The following GTF2F2 variants were observed in gnomAD, a reference collection of about 807,000 sequenced individuals.
GTF2F2 encodes general transcription factor IIF subunit 2.
GTF2F2 carries 23 observed loss-of-function variants against 42.2 expected under a neutral mutation model. The ratio of observed to expected loss-of-function variants is 0.55; its 90% confidence interval spans 0.39 to 0.77. The LOEUF is 0.77. GTF2F2 is among the 30% of genes least tolerant of loss of function. The probability of loss-of-function intolerance (pLI) is 0.00; values close to 1 mark genes in which losing one functional copy is unlikely to be tolerated. For synonymous variants in GTF2F2, 105 were observed against 100.8 expected (o/e 1.04, Z -0.25); for missense variants, 261 against 287.2 (o/e 0.91, Z 0.66).
In GTF2F2 at chr13:45,202,026, C is replaced by T. The variant is rs138367319; in HGVS notation, c.305-5398C>T. 3.2e-4 allele frequency among the ~76,000 whole-genome samples: 49 copies of T among 152,248 alleles called. No homozygotes were observed. In the East Asian group the frequency reaches 9.5e-3, roughly 29 times the overall value. ...CCACCTTCAGTACTCTTCCTTCTTA[C>T]CCCCACCCACCCCAGTCTAAATCCT... On this transcript the variant is annotated intron_variant, in intron 4 of 7. Coordinates refer to ENST00000340473, the MANE Select transcript of GTF2F2 (RefSeq NM_004128.3).
intron 1 of GTF2F2, among the ~76,000 whole-genome samples, chr13:45,127,261 G>A (rs1223096283): frequency 6.6e-6 from 1 of 152,040 alleles, no homozygotes; most frequent in Non-Finnish European, 1.5e-5. Context: ...TAATAATGAA[G>A]ACAGTGCAAT....
chr13:45,148,622 T>A (rs886216053), intron 2 of GTF2F2, among the ~76,000 whole-genome samples: 4 of 152,212 alleles, frequency 2.6e-5, no homozygotes, highest in African/African-American at 9.6e-5. Flanking sequence ...TGGTGCATTG[T>A]GGCTCCCTTA....
At chr13:45,186,929 A>G (rs1275522903) in intron 4 of GTF2F2, among the ~76,000 whole-genome samples, 1 of 152,240 alleles carries the variant, frequency 6.6e-6, no homozygotes, top group Non-Finnish European at 1.5e-5. Context: ...CTGTTTTTAA[A>G]AAGGAATTTT....
At chr13:45,193,812 G>A (rs773222427) in intron 4 of GTF2F2, 11 of 1,603,522 alleles carry the variant, frequency 6.9e-6, no homozygotes, top group Middle Eastern at 3.3e-4. Context: ...GAAGTGCATC[G>A]CTGTGAACAA....
In GTF2F2 at chr13:45,166,709, G is replaced by A. The variant is rs541197543; in HGVS notation, c.304+14878G>A. ...ATAGAAGTAGGTGGTATGAGAATTC[G>A]TATGATGAATGGAATAAAAAATGTT... On this transcript the variant is annotated intron_variant, in intron 4 of 7. Coordinates refer to ENST00000340473, the MANE Select transcript of GTF2F2 (RefSeq NM_004128.3). 4.6e-5 allele frequency among the ~76,000 whole-genome samples: 7 copies of A among 152,282 alleles called. No individual in the cohort carries two copies. The South Asian group carries it at 6.2e-4, about 14-fold the overall frequency.
At chr13:45,266,695 C>T (rs1014083871) in intron 6 of GTF2F2, among the ~76,000 whole-genome samples, 3 of 152,182 alleles carry the variant, frequency 2.0e-5, no homozygotes, top group Non-Finnish European at 4.4e-5. Context: ...TTATGCATTA[C>T]ATAAAGCTTT....
At chr13:45,268,730 C>T (rs1333879294) in intron 7 of GTF2F2, among the ~76,000 whole-genome samples, 1 of 151,984 alleles carries the variant, frequency 6.6e-6, no homozygotes, top group Non-Finnish European at 1.5e-5. Flanking sequence ...ACTCTGAAAA[C>T]AGACGAGATT....
At chr13:45,268,598 A>G (rs1876663889) in intron 7 of GTF2F2, among the ~76,000 whole-genome samples, 1 of 152,098 alleles carries the variant, frequency 6.6e-6, no homozygotes, top group Admixed American at 6.6e-5. Context: ...AGCTAGATTA[A>G]AAATTTTTTT....
intron 5 of GTF2F2, among the ~76,000 whole-genome samples, chr13:45,242,515 A>G (rs996427823): frequency 3.9e-5 from 6 of 152,174 alleles, no homozygotes; most frequent in African/African-American, 1.2e-4. Flanking sequence ...AGATAGATGA[A>G]TGCTGGAGTG....
At position 45,273,457 on chromosome 13, in the gene GTF2F2, C is replaced by T. The variant is rs746566777; in HGVS notation, c.630+6081C>T. On this transcript the variant is annotated intron_variant, in intron 7 of 7. Transcript: ENST00000340473. ...TATAAACAAATGAGTCAGAATTTTA[C>T]GTAAGGTATTACATGGATAAGAGCA... Among the ~76,000 whole-genome samples the T allele has an allele frequency of 1.5e-4, 23 of 151,886 alleles. No individual in the cohort carries two copies. In the South Asian group the frequency reaches 2.1e-3, roughly 14 times the overall value.
In GTF2F2 at chr13:45,284,467, C is replaced by G. The variant is rs930880742; in HGVS notation, c.*906C>G. The G allele has an allele frequency of 1.3e-5, 2 of 152,038 alleles. No homozygotes were observed. The highest frequency in any genetic ancestry group is 2.1e-4 in the South Asian group (1 of 4,824). 9.4% of individuals were successfully genotyped at this position (152,038 alleles called of 1,614,324 possible). A position where few individuals can be genotyped will look rare whatever the true frequency, so the allele number is the denominator to read the frequency against. ...AATTAATTTTTAAATGAAAACAATACATGTATATGTTAGTTTTTTCTAGCA... is the reference window on the plus strand; with the variant it reads ...AATTAATTTTTAAATGAAAACAATAGATGTATATGTTAGTTTTTTCTAGCA... On this transcript the variant is annotated 3_prime_UTR_variant, in exon 8 of 8. Transcript: ENST00000340473.
chr13:45,281,867 T>G (rs1029571821), intron 7 of GTF2F2, among the ~76,000 whole-genome samples: 2 of 152,230 alleles, frequency 1.3e-5, no homozygotes, highest in Non-Finnish European at 2.9e-5. Flanking sequence ...ATTGTTGGAT[T>G]GCTTTGTTCT....
intron 4 of GTF2F2, among the ~76,000 whole-genome samples, chr13:45,176,821 C>T (rs117456154): frequency 0.011 from 1,622 of 151,966 alleles, 99 homozygotes; most frequent in Admixed American, 0.093. Context: ...GACGGTCTCG[C>T]TCCACCCAGG....
intron 4 of GTF2F2, among the ~76,000 whole-genome samples, chr13:45,199,613 C>T (rs1873076091): frequency 6.6e-6 from 1 of 152,024 alleles, no homozygotes; most frequent in Non-Finnish European, 1.5e-5. Flanking sequence ...ATCAAATGAA[C>T]ATTAAAATTA....
intron 5 of GTF2F2, among the ~76,000 whole-genome samples, chr13:45,225,230 T>G (rs1874282307): frequency 6.6e-6 from 1 of 152,172 alleles, no homozygotes. Flanking sequence ...AGGTACAACT[T>G]TCGGATAATA....
intron 1 of GTF2F2, among the ~76,000 whole-genome samples, chr13:45,134,741 G>A (rs1336418040): frequency 1.3e-5 from 2 of 152,256 alleles, no homozygotes; most frequent in South Asian, 4.1e-4. Context: ...ACCCTTGTGA[G>A]AGGTAGTATG....
At chr13:45,173,941 C>T (rs1871733318) in intron 4 of GTF2F2, among the ~76,000 whole-genome samples, 2 of 152,120 alleles carry the variant, frequency 1.3e-5, no homozygotes, top group East Asian at 1.9e-4. Flanking sequence ...TTAAAAGTGT[C>T]GTATAACTGT....
At chr13:45,245,864 C>G (rs1478690774) in intron 5 of GTF2F2, among the ~76,000 whole-genome samples, 1 of 141,766 alleles carries the variant, frequency 7.1e-6, no homozygotes, top group Non-Finnish European at 1.5e-5. Context: ...TGGCGTGAAC[C>G]TGGAAGGTGG....
At position 45,193,749 on chromosome 13, in the gene GTF2F2, TG is replaced by T. The variant is rs747097419; in HGVS notation, c.305-13673del. On this transcript the variant is annotated intron_variant, in intron 4 of 7. Coordinates refer to ENST00000340473, the MANE Select transcript of GTF2F2 (RefSeq NM_004128.3). ...GATGCTGTGGTTTTCCGAAGCTTGC[TG>T]GCTGCATGCTTGTTGCCTTTGTTCG... The T allele has an allele frequency of 3.3e-6, 5 of 1,532,374 alleles. No individual in the cohort carries two copies. In the East Asian group the frequency reaches 9.0e-5, roughly 28 times the overall value. The allele number at this position is 1,532,374 out of a possible 1,614,324, so 94.9% of individuals were successfully genotyped here.
Sources: gnomAD v4.1 joint callset for allele counts (sites outside exome capture counted in the v4.1 genomes callset) on GRCh38, gnomAD v4.1.1 for gene constraint, MANE v1.5 for transcripts, NCBI Gene and HGNC (gene_info 2026-07-23, HGNC 2026-07-21) for gene names.